Variants in CENPP observed in about 807,000 individuals in gnomAD.
CENPP encodes centromere protein P.
CENPP carries 24 observed loss-of-function variants against 35.6 expected under a neutral mutation model. The ratio of observed to expected loss-of-function variants is 0.67; its 90% CI spans 0.49 to 0.95. The LOEUF is 0.95. Among genes scored for constraint, CENPP ranks in the 40% least tolerant of loss-of-function variants. The pLI, the probability that CENPP is intolerant of heterozygous loss-of-function variation, is 0.00. For synonymous variants in CENPP, 120 were observed against 125.5 expected (o/e 0.96, Z 0.29); for missense variants, 332 against 345.3 (o/e 0.96, Z 0.31).
chr9:92,591,191 G>A (rs1439987244), intron 5 of CENPP, among the ~76,000 whole-genome samples: 1 of 151,880 alleles, frequency 6.6e-6, no homozygotes, highest in Non-Finnish European at 1.5e-5. Context: ...AGGCTGAGGC[G>A]GGTGGATCAC....
At chr9:92,468,090 T>C (rs1187024720) in intron 5 of CENPP, among the ~76,000 whole-genome samples, 3 of 152,210 alleles carry the variant, frequency 2.0e-5, no homozygotes, top group Non-Finnish European at 4.4e-5. Context: ...GCCTATGCCA[T>C]GCAACAAGTG....
intron 5 of CENPP, among the ~76,000 whole-genome samples, chr9:92,550,500 T>TAAAAAAAAAAAAAA (rs1357256633): frequency 6.6e-6 from 1 of 152,036 alleles, no homozygotes; most frequent in African/African-American, 2.4e-5. Flanking sequence ...AGAATTAAAA[T>TAAAAAAAAAAAAAA]AAACTGTAAG....
At chr9:92,413,282 C>T (rs537304476) in intron 5 of CENPP, among the ~76,000 whole-genome samples, 13 of 152,076 alleles carry the variant, frequency 8.5e-5, no homozygotes, top group Non-Finnish European at 1.3e-4. Context: ...CTAATGCGCC[C>T]GACTATATGT....
chr9:92,386,432 C>A, intron 5 of CENPP: 1 of 594,684 alleles, frequency 1.7e-6, no homozygotes, highest in Non-Finnish European at 3.0e-6. Context: ...TCAATTATAT[C>A]AATTGTTCGT....
chr9:92,556,444 A>C (rs954123903), intron 5 of CENPP, among the ~76,000 whole-genome samples: 4 of 152,048 alleles, frequency 2.6e-5, no homozygotes, highest in African/African-American at 9.7e-5. Flanking sequence ...GAAATTCCCC[A>C]CTATTATTGT....
intron 5 of CENPP, among the ~76,000 whole-genome samples, chr9:92,596,704 T>A (rs1420497983): frequency 2.0e-5 from 3 of 151,914 alleles, no homozygotes; most frequent in Admixed American, 6.6e-5. Flanking sequence ...CCCCGACTTC[T>A]GTCCCCGCCA....
At chr9:92,557,217 AG>A (rs758465708) in intron 5 of CENPP, among the ~76,000 whole-genome samples, 4 of 152,152 alleles carry the variant, frequency 2.6e-5, no homozygotes, top group Non-Finnish European at 4.4e-5. Context: ...TTTCCTTTGT[AG>A]GTTACCTGGT....
Position 92,613,231 on chromosome 9 carries a change from C to T in CENPP, c.*82C>T. The T allele has an allele frequency of 6.4e-7, 1 of 1,567,048 alleles. No homozygotes were observed. Among genetic ancestry groups the T allele is most frequent in the Non-Finnish European group, 8.8e-7 (1 of 1,140,876 alleles). On this transcript the variant is annotated 3_prime_UTR_variant, in exon 8 of 8. Transcript: ENST00000375587. Reference sequence around the variant, plus strand: ...ATTCAATATAAACATTTGCTATTTTCTGCTTAGAAACCACACCCTGAAGAC... The same window carrying T: ...ATTCAATATAAACATTTGCTATTTTTTGCTTAGAAACCACACCCTGAAGAC...
chr9:92,451,272 T>C (rs1844701485), intron 5 of CENPP, among the ~76,000 whole-genome samples: 1 of 150,054 alleles, frequency 6.7e-6, no homozygotes, highest in African/African-American at 2.5e-5. Context: ...TTAATTTTGG[T>C]ATAAGGTGTA....
At chr9:92,575,510 C>A (rs1850259506) in intron 5 of CENPP, among the ~76,000 whole-genome samples, 1 of 152,062 alleles carries the variant, frequency 6.6e-6, no homozygotes, top group African/African-American at 2.4e-5. Flanking sequence ...CACCTCACAC[C>A]CATTAGAATG....
chr9:92,574,081 T>C (rs766725130), intron 5 of CENPP, among the ~76,000 whole-genome samples: 4 of 152,152 alleles, frequency 2.6e-5, no homozygotes, highest in Non-Finnish European at 5.9e-5. Flanking sequence ...CTGCATGGGC[T>C]GCACCCACTG....
intron 5 of CENPP, among the ~76,000 whole-genome samples, chr9:92,415,713 A>G (rs1162396254): frequency 6.7e-6 from 1 of 149,842 alleles, no homozygotes; most frequent in Non-Finnish European, 1.5e-5. Flanking sequence ...ATAAATTCCT[A>G]GTAGAACAAT....
rs1224499764 is a variant in CENPP at position 92,407,960 on chromosome 9, C to CA, written c.564+28108dup. ...AGTGTACCATTTGTCTGTTGGCAAC[C>CA]AAAAAAATGTGTTGAATGGAATGGA... On this transcript the variant is annotated intron_variant, in intron 5 of 7. Coordinates refer to ENST00000375587, the MANE Select transcript of CENPP (RefSeq NM_001012267.3). 4.6e-5 allele frequency among the ~76,000 whole-genome samples: 7 copies of CA among 151,742 alleles called. No homozygotes were observed. The East Asian group carries it at 9.6e-4, about 21-fold the overall frequency.
intron 5 of CENPP, among the ~76,000 whole-genome samples, chr9:92,555,499 G>A (rs766364904): frequency 6.6e-6 from 1 of 152,098 alleles, no homozygotes; most frequent in Middle Eastern, 3.4e-3. Flanking sequence ...AAAGTGCTGG[G>A]ATTACAGGTA....
At chr9:92,475,781 A>G (rs1317254024) in intron 5 of CENPP, among the ~76,000 whole-genome samples, 2 of 152,178 alleles carry the variant, frequency 1.3e-5, no homozygotes, top group Non-Finnish European at 2.9e-5. Flanking sequence ...TATTTGATCC[A>G]AACTGTCTGA....
Position 92,386,159 on chromosome 9 carries a change from A to G in CENPP, c.564+6300A>G, listed in dbSNP as rs749157087. ...CCAATGAGTCACAAGATTTTGACTC[A>G]TAGGTAATTAGAGTCAGATATTGTG... On this transcript the variant is annotated intron_variant, in intron 5 of 7. Coordinates refer to ENST00000375587, the MANE Select transcript of CENPP (RefSeq NM_001012267.3). The G allele has an allele frequency of 2.0e-5, 28 of 1,426,020 alleles. 1 individual carries two copies. In the South Asian group the frequency reaches 2.9e-4, roughly 15 times the overall value. The allele number at this position is 1,426,020 out of a possible 1,614,324, so 88.3% of individuals were successfully genotyped here. A position where few individuals can be genotyped will look rare whatever the true frequency, so the allele number is the denominator to read the frequency against.
rs200767218 is a variant in CENPP at position 92,611,375 on chromosome 9, G to A, written c.626G>A (p.Arg209His). Residue 209 changes from arginine (R) to histidine (H), a missense_variant, in exon 6 of 8, where the codon CGC becomes CAC. Transcript: ENST00000375587. Reference protein sequence around the residue: ...EGPSSCSMGIRSASRPGFELV... With the variant: ...EGPSSCSMGIHSASRPGFELV... ...CCCTCCTCCTGCTCCATGGGGATCC[G>A]CAGCGCCAGCCGGCCAGGGTGAGCC... 113 of 1,613,122 alleles carry A rather than the reference G, an allele frequency of 7.0e-5. 1 individual carries two copies. Among genetic ancestry groups the A allele is most frequent in the Non-Finnish European group, 8.6e-5 (101 of 1,179,880 alleles).
chr9:92,440,826 G>C (rs551206409), intron 5 of CENPP, among the ~76,000 whole-genome samples: 3 of 152,288 alleles, frequency 2.0e-5, no homozygotes, highest in Non-Finnish European at 2.9e-5. Flanking sequence ...ATCTACAGGG[G>C]ATGTCTTGAA....
intron 2 of CENPP, among the ~76,000 whole-genome samples, chr9:92,334,735 C>CTT (rs1840868866): frequency 6.6e-6 from 1 of 151,242 alleles, no homozygotes; most frequent in Admixed American, 6.6e-5. Context: ...CAACAATTAG[C>CTT]TAGGCATGGT....
Sources: allele counts gnomAD v4.1 joint callset (sites outside exome capture counted in the v4.1 genomes callset), GRCh38; gene constraint gnomAD v4.1.1; transcripts MANE v1.5; gene names NCBI Gene and HGNC (gene_info 2026-07-23, HGNC 2026-07-21).